Variants in SLC35F1 observed in about 807,000 individuals in gnomAD.
The protein encoded by SLC35F1 is chromosome 6 open reading frame 169.
Under a neutral mutation model 48.7 loss-of-function variants are expected in SLC35F1, and 14 were observed. The observed-to-expected ratio is 0.29, with a 90% CI of 0.19 to 0.45. SLC35F1 has a LOEUF of 0.45. SLC35F1 is among the 20% of genes least tolerant of loss of function. The probability of loss-of-function intolerance (pLI) is 1.00; values close to 1 mark genes in which losing one functional copy is unlikely to be tolerated. For synonymous variants in SLC35F1, 190 were observed against 202.2 expected, an observed-to-expected ratio of 0.94 and a Z score of 0.51; for missense variants, 404 against 500.0, an observed-to-expected ratio of 0.81 and a Z score of 1.83.
At position 118,083,942 on chromosome 6, in the gene SLC35F1, T is replaced by A. The variant is rs115179686; in HGVS notation, c.174-70503T>A. Among the ~76,000 whole-genome samples the A allele has an allele frequency of 4.5e-3, 678 of 152,352 alleles. 4 individuals carry two copies. Among genetic ancestry groups the A allele is most frequent in the African/African-American group, 0.015 (627 of 41,584 alleles). ...CCTTGGCCACTCTGCTGTCTCTTTA[T>A]ACACGGACACTTAGCAGTAACACTT... is the stretch of plus-strand genomic sequence containing the variant. On this transcript the variant is annotated intron_variant, in intron 1 of 7. Coordinates refer to ENST00000360388, the MANE Select transcript of SLC35F1 (RefSeq NM_001029858.4).
chr6:117,990,640 G>A (rs553774632), intron 1 of SLC35F1, among the ~76,000 whole-genome samples: 64 of 152,326 alleles, frequency 4.2e-4, no homozygotes, highest in African/African-American at 1.4e-3. Context: ...ATTACTCTGT[G>A]AGCAAGTGCC....
rs148872332 is a variant in SLC35F1, at chr6:117,955,596, T to C, written c.173+47697T>C. On this transcript the variant is annotated intron_variant, in intron 1 of 7. Coordinates refer to ENST00000360388, the MANE Select transcript of SLC35F1 (RefSeq NM_001029858.4). ...CAACAATTATAGACAAGATTTCCAA[T>C]GCTGTTCCAAGAACTTTCTCCATCT... Among the ~76,000 whole-genome samples the C allele has an allele frequency of 2.0e-3, 308 of 152,314 alleles. 1 individual carries two copies. The highest frequency in any genetic ancestry group is 7.1e-3 in the African/African-American group (294 of 41,566).
intron 1 of SLC35F1, among the ~76,000 whole-genome samples, chr6:117,992,922 G>A (rs1331871436): frequency 6.6e-6 from 1 of 152,164 alleles, no homozygotes; most frequent in African/African-American, 2.4e-5. Context: ...TTCATTTCTG[G>A]TCAAATCACA....
intron 1 of SLC35F1, among the ~76,000 whole-genome samples, chr6:118,084,118 G>A (rs1772950704): frequency 6.6e-6 from 1 of 152,176 alleles, no homozygotes; most frequent in Non-Finnish European, 1.5e-5. Flanking sequence ...GGGTCACATG[G>A]CTAATAAGTC....
At chr6:118,156,669 A>AAAAATAAAAT (rs368503344) in intron 2 of SLC35F1, among the ~76,000 whole-genome samples, 3,799 of 140,500 alleles carry the variant, frequency 0.027, 80 homozygotes, top group African/African-American at 0.054. Context: ...AAGTATAATA[A>AAAAATAAAAT]AAAATAAAAT....
At chr6:118,250,553 A>AG (rs1775560008) in intron 3 of SLC35F1, among the ~76,000 whole-genome samples, 1 of 152,212 alleles carries the variant, frequency 6.6e-6, no homozygotes, top group African/African-American at 2.4e-5. Flanking sequence ...GGAGCCCCTC[A>AG]GGGGGCACCT....
chr6:117,950,628 T>TA (rs556104284), intron 1 of SLC35F1, among the ~76,000 whole-genome samples: 14 of 152,224 alleles, frequency 9.2e-5, no homozygotes, highest in Non-Finnish European at 1.9e-4. Context: ...GCTATTGACT[T>TA]ACTTCAAACA....
At chr6:117,979,877 A>T (rs78382012) in intron 1 of SLC35F1, among the ~76,000 whole-genome samples, 2,716 of 152,284 alleles carry the variant, frequency 0.018, 32 homozygotes, top group East Asian at 0.031. Flanking sequence ...TGATGGGATG[A>T]TGGAGCACTT....
chr6:118,168,187 A>G (rs1774347545), intron 2 of SLC35F1, among the ~76,000 whole-genome samples: 1 of 152,128 alleles, frequency 6.6e-6, no homozygotes, highest in Non-Finnish European at 1.5e-5. Context: ...CTGCACAGAC[A>G]TCATCCACTT....
intron 2 of SLC35F1, among the ~76,000 whole-genome samples, chr6:118,202,003 T>C (rs75884324): frequency 6.6e-6 from 1 of 152,354 alleles, no homozygotes; most frequent in Non-Finnish European, 1.5e-5. Context: ...TGCATTTATC[T>C]TTTCATCAGT....
chr6:118,037,183 CTA>C (rs147798467), intron 1 of SLC35F1, among the ~76,000 whole-genome samples: 17 of 152,148 alleles, frequency 1.1e-4, no homozygotes, highest in Non-Finnish European at 1.8e-4. Flanking sequence ...TTCAACATCT[CTA>C]TGTCATTATA....
At chr6:118,013,090 C>G (rs985306846) in intron 1 of SLC35F1, among the ~76,000 whole-genome samples, 4 of 152,140 alleles carry the variant, frequency 2.6e-5, no homozygotes, top group Non-Finnish European at 4.4e-5. Context: ...TTTTCTGCAG[C>G]TCAATGAAGA....
intron 2 of SLC35F1, 149 bp from the exon 3 acceptor site, chr6:118,235,360 G>C: frequency 1.3e-6 from 1 of 774,632 alleles, no homozygotes; most frequent in Non-Finnish European, 1.9e-6. Context: ...AAAACATGTG[G>C]GTATCTGATA....
intron 1 of SLC35F1, among the ~76,000 whole-genome samples, chr6:118,099,543 A>G (rs958744777): frequency 2.7e-5 from 4 of 150,120 alleles, no homozygotes; most frequent in African/African-American, 9.8e-5. Flanking sequence ...CCCCCCAAGA[A>G]TTCCTATACT....
At chr6:118,035,507 G>A (rs6935442) in intron 1 of SLC35F1, among the ~76,000 whole-genome samples, 8,271 of 150,402 alleles carry the variant, frequency 0.055, 776 homozygotes, top group African/African-American at 0.19. Context: ...CCAGCTACTC[G>A]GGAGGCTGAG....
intron 2 of SLC35F1, among the ~76,000 whole-genome samples, chr6:118,230,941 AC>A (rs1775284907): frequency 6.6e-6 from 1 of 152,150 alleles, no homozygotes; most frequent in African/African-American, 2.4e-5. Context: ...AGTCTGGGAG[AC>A]AGAGAGAGAC....
At chr6:118,162,496 C>T (rs533334501) in intron 2 of SLC35F1, among the ~76,000 whole-genome samples, 15 of 152,084 alleles carry the variant, frequency 9.9e-5, no homozygotes, top group Non-Finnish European at 1.2e-4. Flanking sequence ...TCAAACTATA[C>T]ACTTAAAAGG....
At position 117,907,843 on chromosome 6, in the gene SLC35F1, C is replaced by T. The variant is rs556691774; in HGVS notation, c.117C>T (p.Ser39=). 1.9e-6 allele frequency: 3 copies of T among 1,538,632 alleles called. No individual in the cohort carries two copies. The highest frequency in any genetic ancestry group is 1.4e-5 in the African/African-American group (1 of 70,184). Reference sequence around the variant, plus strand: ...CCGAGGGCAGCGGCGGCGGCGGGAGCCTGTCCGCCTCCTCCCGGGCTGGCG... The same window carrying T: ...CCGAGGGCAGCGGCGGCGGCGGGAGTCTGTCCGCCTCCTCCCGGGCTGGCG... ...LPAEGSGGGG[S]LSASSRAGVR... The change falls in exon 1 of 8, where the codon AGC becomes AGT. Residue 39 remains serine (S), a synonymous_variant. Transcript: ENST00000360388.
chr6:118,214,480 A>G (rs1007407720), intron 2 of SLC35F1, among the ~76,000 whole-genome samples: 3 of 152,234 alleles, frequency 2.0e-5, no homozygotes, highest in African/African-American at 7.2e-5. Context: ...TTCTCTGAAC[A>G]TACAAAATGT....
Sources: allele counts gnomAD v4.1 joint callset (sites outside exome capture counted in the v4.1 genomes callset), GRCh38; gene constraint gnomAD v4.1.1; transcripts MANE v1.5; gene names NCBI Gene and HGNC (gene_info 2026-07-23, HGNC 2026-07-21).